EPM2A: variants seen among roughly 807,000 people sequenced by gnomAD.
EPM2A encodes laforin.
Under a neutral mutation model 26.5 loss-of-function variants are expected in EPM2A, and 21 were observed. That is an observed-to-expected ratio of 0.79 (90% CI 0.56 to 1.14). The LOEUF (loss-of-function observed/expected upper bound fraction) is 1.14. EPM2A is among the 50% of genes most tolerant of loss of function. The pLI, the probability that EPM2A is intolerant of heterozygous loss-of-function variation, is 0.00. For missense variants in EPM2A, 458 were observed against 440.8 expected, an observed-to-expected ratio of 1.04 and a Z score of -0.35; for synonymous variants, 217 against 177.6, an observed-to-expected ratio of 1.22 and a Z score of -1.76.
At chr6:145,395,975 G>A (rs1778400345) in intron 4 of EPM2A, among the ~76,000 whole-genome samples, 1 of 152,124 alleles carries the variant, frequency 6.6e-6, no homozygotes, top group Non-Finnish European at 1.5e-5. Flanking sequence ...CATATAAAGG[G>A]GGTAATATTT....
At chr6:145,509,409 G>T (rs1169189888) in intron 2 of EPM2A, among the ~76,000 whole-genome samples, 1 of 152,138 alleles carries the variant, frequency 6.6e-6, no homozygotes, top group Non-Finnish European at 1.5e-5. Context: ...AATCTTACAA[G>T]CCAGAAAAGA....
intron 2 of EPM2A, among the ~76,000 whole-genome samples, chr6:145,504,304 G>C: frequency 9.4e-6 from 1 of 106,828 alleles, no homozygotes; most frequent in Admixed American, 9.3e-5. Context: ...AGAGTGAACA[G>C]GCAACCTACA....
intron 4 of EPM2A, among the ~76,000 whole-genome samples, chr6:145,458,316 G>A (rs529896807): frequency 4.3e-4 from 57 of 132,830 alleles, no homozygotes; most frequent in African/African-American, 1.5e-3. Context: ...TGGGAAGGCC[G>A]AACGCTATTT....
chr6:145,517,876 G>A (rs929966710), intron 2 of EPM2A, among the ~76,000 whole-genome samples: 4 of 152,062 alleles, frequency 2.6e-5, no homozygotes, highest in South Asian at 2.1e-4. Context: ...CTACATTACC[G>A]TGATTAGACT....
intron 1 of EPM2A, among the ~76,000 whole-genome samples, chr6:145,693,177 T>C (rs1055257040): frequency 1.3e-5 from 2 of 152,084 alleles, no homozygotes; most frequent in Admixed American, 6.5e-5. Context: ...TTGTGGCTAT[T>C]GTAAATGGGA....
chr6:145,705,628 G>C, intron 1 of EPM2A: 1 of 450,876 alleles, frequency 2.2e-6, no homozygotes, highest in Non-Finnish European at 4.5e-6. Context: ...GATTGGCTAG[G>C]GGCTCTTGTT....
At position 145,530,483 on chromosome 6, in the gene EPM2A, T is replaced by C. The variant is rs116556522; in HGVS notation, c.341-27908A>G. Among the ~76,000 whole-genome samples, 154 of 142,358 alleles carry C rather than the reference T, an allele frequency of 1.1e-3. 1 individual carries two copies. In the East Asian group the frequency reaches 0.03, roughly 28 times the overall value. 93.4% of individuals were successfully genotyped at this position (142,358 alleles called of 152,430 possible). The stretch of plus-strand genomic sequence containing the variant: ...ATACAGAAATGTAGCAAGGGAAAGC[T>C]TGTTGTTAAGAGACAGGCAGACCTG... On this transcript the variant is annotated intron_variant, in intron 2 of 3. Coordinates refer to the EPM2A transcript ENST00000450221.
intron 4 of EPM2A, among the ~76,000 whole-genome samples, chr6:145,468,546 A>G: frequency 6.6e-6 from 1 of 152,150 alleles, no homozygotes; most frequent in East Asian, 1.9e-4. Flanking sequence ...ATGTAACCAC[A>G]TTCAAATTCA....
chr6:145,560,843 T>C (rs931847866), intron 2 of EPM2A, among the ~76,000 whole-genome samples: 2 of 152,182 alleles, frequency 1.3e-5, no homozygotes, highest in African/African-American at 4.8e-5. Context: ...CATCTGCCAC[T>C]GTATTCTGCT....
intron 1 of EPM2A, among the ~76,000 whole-genome samples, chr6:145,728,971 A>AG (rs1057344270): frequency 2.0e-5 from 3 of 152,086 alleles, no homozygotes; most frequent in African/African-American, 7.2e-5. Flanking sequence ...CCTGAATCCT[A>AG]GCTTCTCCAC....
At chr6:145,417,434 T>A (rs1312513212) in intron 4 of EPM2A, among the ~76,000 whole-genome samples, 1 of 152,196 alleles carries the variant, frequency 6.6e-6, no homozygotes, top group Non-Finnish European at 1.5e-5. Flanking sequence ...TTTTAAAAAT[T>A]AATGGATTGA....
At chr6:145,731,333 G>A (rs1776473885) in intron 1 of EPM2A, among the ~76,000 whole-genome samples, 1 of 152,038 alleles carries the variant, frequency 6.6e-6, no homozygotes, top group Admixed American at 6.6e-5. Context: ...CTACTGATCA[G>A]CATATCCTTC....
At chr6:145,461,248 A>G (rs1012199352) in intron 4 of EPM2A, among the ~76,000 whole-genome samples, 3 of 152,184 alleles carry the variant, frequency 2.0e-5, no homozygotes, top group African/African-American at 7.2e-5. Flanking sequence ...CTTGTGTAGA[A>G]GCCTTAGTCA....
At chr6:145,491,847 A>T in intron 4 of EPM2A, 1 of 518,354 alleles carries the variant, frequency 1.9e-6, no homozygotes, top group South Asian at 1.4e-5. Context: ...GAATTAAATT[A>T]CAAAAGGTCA....
intron 2 of EPM2A, 96 bp downstream of exon 2, chr6:145,686,026 T>G: frequency 4.5e-6 from 5 of 1,105,122 alleles, no homozygotes; most frequent in African/African-American, 1.5e-5. Context: ...CCCTCCCAAG[T>G]GAGGCACTGC....
chr6:145,698,148 T>C (rs1445955497), intron 1 of EPM2A, among the ~76,000 whole-genome samples: 1 of 152,210 alleles, frequency 6.6e-6, no homozygotes, highest in Non-Finnish European at 1.5e-5. Context: ...AGTCCCTCCG[T>C]TCAGGGTCCC....
rs79596154 is a variant in EPM2A at position 145,387,535 on chromosome 6, C to T, written c.556-3438G>A. On this transcript the variant is annotated intron_variant, in intron 4 of 4. Coordinates refer to the EPM2A transcript ENST00000638717. ...CTGTTTATTCTAGTTTTGTCAGGCACCAGAGGGAGAACCCGATGTCTTGGT... is the reference window on the plus strand; with the variant it reads ...CTGTTTATTCTAGTTTTGTCAGGCATCAGAGGGAGAACCCGATGTCTTGGT... 8.4e-4 allele frequency among the ~76,000 whole-genome samples: 127 copies of T among 152,088 alleles called. 2 individuals carry two copies. The highest frequency in any genetic ancestry group is 1.4e-3 in the Non-Finnish European group (96 of 67,994).
chr6:145,614,442 C>T (rs907969525), intron 2 of EPM2A, among the ~76,000 whole-genome samples: 2 of 152,246 alleles, frequency 1.3e-5, no homozygotes, highest in Non-Finnish European at 2.9e-5. Context: ...TTTATTTGCA[C>T]TTAACAACTT....
intron 4 of EPM2A, among the ~76,000 whole-genome samples, chr6:145,420,203 C>A (rs906467998): frequency 3.3e-5 from 5 of 151,990 alleles, no homozygotes; most frequent in African/African-American, 1.2e-4. Context: ...GTATTCAAGC[C>A]AATAATATTT....
Sources: allele counts gnomAD v4.1 joint callset (sites outside exome capture counted in the v4.1 genomes callset), GRCh38; gene constraint gnomAD v4.1.1; transcripts MANE v1.5; gene names NCBI Gene and HGNC (gene_info 2026-07-23, HGNC 2026-07-21).